ZNF345: variants seen among roughly 807,000 people sequenced by gnomAD.
ZNF345 encodes the protein zinc finger protein 345.
For missense variants in ZNF345, 527 were observed against 589.9 expected (o/e 0.89, Z 1.10); for synonymous variants, 166 against 187.9 (o/e 0.88, Z 0.95).
intron 2 of ZNF345, among the ~76,000 whole-genome samples, chr19:36,872,946 C>T (rs1400573493): frequency 6.6e-6 from 1 of 152,026 alleles, no homozygotes; most frequent in Non-Finnish European, 1.5e-5. Context: ...CAGGTTCCTC[C>T]GTTTCTTCTA....
intron 2 of ZNF345, among the ~76,000 whole-genome samples, chr19:36,866,724 A>AT (rs1455104709): frequency 6.6e-6 from 1 of 151,784 alleles, no homozygotes; most frequent in Middle Eastern, 3.2e-3. Context: ...AATTTTTTGT[A>AT]TTTTTTAGTA....
In ZNF345 at chr19:36,877,267, A is replaced by G. The variant is rs559952114; in HGVS notation, c.437A>G (p.Tyr146Cys). ...AGAATTCATACTGGTGAGAAACCCT[A>G]TGAGTGTAAGGAATGTGGGAAAGCC... The part of the protein sequence containing the change: ...HQRIHTGEKP[Y>C]ECKECGKAFS... Residue 146 changes from tyrosine to cysteine, a missense_variant, in exon 3 of 3, where the codon TAT becomes TGT. Tyr to Cys is a radical substitution (Grantham distance 194). Coordinates refer to ENST00000420450, the MANE Select transcript of ZNF345 (RefSeq NM_001242472.2). 3.7e-6 allele frequency: 6 copies of G among 1,613,946 alleles called. No homozygotes were observed. The highest frequency in any genetic ancestry group is 1.3e-5 in the African/African-American group (1 of 74,968).
intron 2 of ZNF345, chr19:36,854,542 G>A (rs2072362386): frequency 6.6e-6 from 1 of 152,152 alleles, no homozygotes; most frequent in Non-Finnish European, 1.5e-5. Flanking sequence ...GGAACTTTGA[G>A]CCAATAAGCA....
rs2072915836 is a variant in ZNF345, at chr19:36,877,666, T to C, written c.836T>C (p.Ile279Thr). ...FGSALTRHQR[I>T]HTGEKPYVCK... Reference sequence around the variant, plus strand: ...TCAGCCCTTACTCGACATCAAAGAATTCATACTGGTGAGAAACCTTATGTA... The same window carrying C: ...TCAGCCCTTACTCGACATCAAAGAACTCATACTGGTGAGAAACCTTATGTA... The change falls in exon 3 of 3, where the codon ATT becomes ACT. Residue 279 changes from isoleucine (I) to threonine (T), a missense_variant. By Grantham distance (89) the Ile-to-Thr change is moderately conservative. Transcript: ENST00000420450. The C allele has an allele frequency of 2.5e-6, 4 of 1,614,142 alleles. No individual in the cohort carries two copies. In the African/African-American group the frequency reaches 4.0e-5, roughly 16 times the overall value.
rs1200697224 is a variant in ZNF345 at position 36,886,951 on chromosome 19, G to A, written c.47-5867G>A. On this transcript the variant is annotated intron_variant, in intron 3 of 3. Coordinates refer to the ZNF345 transcript ENST00000526123. Reference sequence around the variant, plus strand: ...GGAGCTTGCAGTGAGCCGGGATAGCGCCACTGCAGTCCAGCTTGGGCGAAA... The same window carrying A: ...GGAGCTTGCAGTGAGCCGGGATAGCACCACTGCAGTCCAGCTTGGGCGAAA... Among the ~76,000 whole-genome samples, 3 of 140,340 alleles carry A rather than the reference G, an allele frequency of 2.1e-5. No individual in the cohort carries two copies. In the Admixed American group the frequency reaches 2.2e-4, roughly 10 times the overall value. The allele number at this position is 140,340 out of a possible 152,430, so 92.1% of individuals were successfully genotyped here. A position where few individuals can be genotyped will look rare whatever the true frequency, so the allele number is the denominator to read the frequency against.
At chr19:36,854,136 C>T (rs758835084) in intron 2 of ZNF345, among the ~76,000 whole-genome samples, 3 of 151,902 alleles carry the variant, frequency 2.0e-5, no homozygotes, top group Non-Finnish European at 2.9e-5. Context: ...GTAGGAATCA[C>T]GTAATTCGTT....
At chr19:36,855,731 C>T (rs2072403414) in intron 2 of ZNF345, among the ~76,000 whole-genome samples, 1 of 143,112 alleles carries the variant, frequency 7.0e-6, no homozygotes, top group Non-Finnish European at 1.5e-5. Flanking sequence ...GGATTACAGG[C>T]GTGAGCCACC....
chr19:36,874,568 G>T (rs1402112123), intron 2 of ZNF345, among the ~76,000 whole-genome samples: 1 of 151,750 alleles, frequency 6.6e-6, no homozygotes, highest in African/African-American at 2.4e-5. Context: ...GGAGGCTGAG[G>T]TCGGGAGTTC....
chr19:36,866,636 A>G (rs1600703551), intron 2 of ZNF345, among the ~76,000 whole-genome samples: 1 of 151,708 alleles, frequency 6.6e-6, no homozygotes, highest in Non-Finnish European at 1.5e-5. Context: ...TGCAACCTCC[A>G]CCTCCCGATT....
At chr19:36,855,634 T>G (rs369834469) in intron 2 of ZNF345, among the ~76,000 whole-genome samples, 10 of 152,088 alleles carry the variant, frequency 6.6e-5, no homozygotes, top group African/African-American at 2.4e-4. Flanking sequence ...GTATTTTTAG[T>G]AGAGACAGGG....
downstream of ZNF345, among the ~76,000 whole-genome samples, chr19:36,880,713 G>A (rs995745873): frequency 2.2e-4 from 34 of 152,264 alleles, no homozygotes; most frequent in Admixed American, 1.6e-3. Flanking sequence ...AGGAATTCAA[G>A]GCCTCAGTGC....
intron 2 of ZNF345, among the ~76,000 whole-genome samples, chr19:36,862,212 A>G (rs538897260): frequency 6.6e-6 from 1 of 152,008 alleles, no homozygotes; most frequent in South Asian, 2.1e-4. Context: ...ATTGTGTTCT[A>G]ATTTACTTGG....
intron 2 of ZNF345, among the ~76,000 whole-genome samples, chr19:36,852,479 C>T (rs2072302296): frequency 6.6e-6 from 1 of 152,086 alleles, no homozygotes; most frequent in South Asian, 2.1e-4. Flanking sequence ...GGCGTGGTGG[C>T]ACGCGCCTGT....
intron 2 of ZNF345, among the ~76,000 whole-genome samples, chr19:36,867,042 T>C (rs1474424400): frequency 6.6e-6 from 1 of 152,184 alleles, no homozygotes; most frequent in Non-Finnish European, 1.5e-5. Flanking sequence ...TGCTGGGTAA[T>C]AGGGAATGTG....
chr19:36,862,663 CAAAAAAAAAAAAA>C (rs753670661), intron 2 of ZNF345, among the ~76,000 whole-genome samples: 1 of 39,964 alleles, frequency 2.5e-5, no homozygotes, highest in Non-Finnish European at 5.6e-5. Flanking sequence ...GACCCAGTCT[CAAAAAAAAAAAAA>C]AAAAAAAAAA....
intron 2 of ZNF345, among the ~76,000 whole-genome samples, chr19:36,872,077 T>C (rs191618636): frequency 6.6e-6 from 1 of 152,162 alleles, no homozygotes; most frequent in African/African-American, 2.4e-5. Flanking sequence ...CTGTTTTATA[T>C]GACATTGAAT....
intron 3 of ZNF345, among the ~76,000 whole-genome samples, chr19:36,886,481 C>T (rs542641087): frequency 7.0e-4 from 106 of 152,312 alleles, no homozygotes; most frequent in African/African-American, 2.5e-3. Flanking sequence ...ATGAGAAAAA[C>T]ATCAGTCAGA....
downstream of ZNF345, among the ~76,000 whole-genome samples, chr19:36,884,493 T>C (rs2072985816): frequency 6.6e-6 from 1 of 152,170 alleles, no homozygotes; most frequent in Admixed American, 6.5e-5. Context: ...CTGGATGGCA[T>C]TACCTCCTTC....
At chr19:36,871,871 G>A (rs1003780818) in intron 2 of ZNF345, among the ~76,000 whole-genome samples, 6 of 152,020 alleles carry the variant, frequency 3.9e-5, no homozygotes, top group African/African-American at 1.5e-4. Flanking sequence ...GGGTACAAGC[G>A]ATTCTCCTGC....
Sources: allele counts gnomAD v4.1 joint callset (sites outside exome capture counted in the v4.1 genomes callset), GRCh38; gene constraint gnomAD v4.1.1; transcripts MANE v1.5; gene names NCBI Gene and HGNC (gene_info 2026-07-23, HGNC 2026-07-21).